PREX1: variants seen among roughly 807,000 people sequenced by gnomAD.
PREX1 encodes phosphatidylinositol 3,4,5-trisphosphate-dependent Rac exchanger 1 protein.
PREX1 carries 41 observed loss-of-function variants against 198.3 expected under a neutral mutation model. The ratio of observed to expected loss-of-function variants is 0.21; its 90% CI spans 0.16 to 0.27. The LOEUF is 0.27. Among genes scored for constraint, PREX1 ranks in the 10% least tolerant of loss-of-function variants. PREX1 has a pLI of 1.00. For synonymous variants in PREX1, 843 were observed against 887.2 expected, an observed-to-expected ratio of 0.95 and a Z score of 0.89; for missense variants, 1,620 against 2,200.7, an observed-to-expected ratio of 0.74 and a Z score of 5.28.
At chr20:48,714,919 A>G (rs965824957) in intron 5 of PREX1, among the ~76,000 whole-genome samples, 4 of 152,382 alleles carry the variant, frequency 2.6e-5, no homozygotes, top group African/African-American at 9.6e-5. Flanking sequence ...TCAGACAGGC[A>G]TAAAATGTGG....
At chr20:48,707,815 C>T (rs2089910279) in intron 6 of PREX1, among the ~76,000 whole-genome samples, 1 of 152,128 alleles carries the variant, frequency 6.6e-6, no homozygotes, top group Non-Finnish European at 1.5e-5. Context: ...GATGAGGATA[C>T]TGAAGTTCAG....
chr20:48,836,776 G>A, the PREX1 span, among the ~76,000 whole-genome samples: 1,321 of 151,896 alleles, frequency 8.7e-3, 13 homozygotes, highest in Non-Finnish European at 0.012. Flanking sequence ...TTAGTAGGTC[G>A]TGGTGGCACA....
chr20:48,714,030 C>G (rs975614786), intron 5 of PREX1, among the ~76,000 whole-genome samples: 1 of 152,132 alleles, frequency 6.6e-6, no homozygotes, highest in African/African-American at 2.4e-5. Flanking sequence ...AACTGAATAT[C>G]CATGTGCAAC....
chr20:48,879,702 A>G, the PREX1 span, among the ~76,000 whole-genome samples: 2 of 152,198 alleles, frequency 1.3e-5, no homozygotes, highest in Non-Finnish European at 2.9e-5. Flanking sequence ...TCCCCTCCAA[A>G]TCACCAATTA....
rs76308338 is a variant in PREX1, at chr20:48,651,465, C to T, written c.2586G>A (p.Thr862=). Residue 862 remains threonine (T), a synonymous_variant, in exon 22 of 40, where the codon ACG becomes ACA. Transcript: ENST00000371941. ...CCAGCACATGGCACCTGACGCCTGC[C>T]GTGCTCACATACTCATACACCACGC... ...EHGVVYEYVS[T]AGVRCHVLEK... 25 of 1,614,124 alleles carry T rather than the reference C, an allele frequency of 1.5e-5. No individual in the cohort carries two copies. The highest frequency in any genetic ancestry group is 3.3e-4 in the Middle Eastern group (2 of 6,060).
chr20:48,691,202 G>T lies in PREX1; in HGVS notation c.1037-106C>A. On this transcript the variant is annotated intron_variant, in intron 8 of 39. Transcript: ENST00000371941. The surrounding 1 kb of genome is among the most constrained non-coding windows in gnomAD (Gnocchi z 5.0). The stretch of plus-strand genomic sequence containing the variant: ...CCCAGCACAGGCAGGGCCCTCGCCT[G>T]GATCAGGATGGGGAGCTGGACTTCC... 7.1e-7 allele frequency: 1 copy of T among 1,406,058 alleles called. No individual in the cohort carries two copies. Among genetic ancestry groups the T allele is most frequent in the Non-Finnish European group, 9.9e-7 (1 of 1,007,638 alleles). 87.1% of individuals were successfully genotyped at this position (1,406,058 alleles called of 1,614,324 possible). A position where few individuals can be genotyped will look rare whatever the true frequency, so the allele number is the denominator to read the frequency against.
At chr20:48,833,762 C>T in the PREX1 span, among the ~76,000 whole-genome samples, 1 of 152,206 alleles carries the variant, frequency 6.6e-6, no homozygotes, top group South Asian at 2.1e-4. Flanking sequence ...TTCAAATAAG[C>T]ATTGACCTGA....
the PREX1 span, among the ~76,000 whole-genome samples, chr20:48,861,421 G>A: frequency 6.6e-6 from 1 of 152,172 alleles, no homozygotes; most frequent in African/African-American, 2.4e-5. Flanking sequence ...TAGAAGGTCC[G>A]GCCACCCGGG....
chr20:48,628,012 T>A, intron 37 of PREX1, 49 bp from the exon 38 acceptor site: 6 of 738,036 alleles, frequency 8.1e-6, no homozygotes, highest in Non-Finnish European at 1.4e-5. Context: ...GGGACAGGGG[T>A]CGGGGGAGGA....
intron 10 of PREX1, among the ~76,000 whole-genome samples, chr20:48,688,425 T>C (rs901192556): frequency 3.3e-5 from 5 of 152,154 alleles, no homozygotes; most frequent in African/African-American, 1.2e-4. Flanking sequence ...TGAATGGGTG[T>C]ACCAGGTCAC....
chr20:48,874,498 T>A, the PREX1 span, among the ~76,000 whole-genome samples: 1 of 151,126 alleles, frequency 6.6e-6, no homozygotes, highest in South Asian at 2.1e-4. Flanking sequence ...GGAGACATGA[T>A]GAAGAGGAGG....
chr20:48,752,494 C>T (rs560143675), intron 1 of PREX1, among the ~76,000 whole-genome samples: 2 of 152,304 alleles, frequency 1.3e-5, no homozygotes, highest in South Asian at 2.1e-4. Context: ...CTGAAGACCC[C>T]GCTCTCATGT....
chr20:48,746,065 G>A (rs1465881164), intron 2 of PREX1, among the ~76,000 whole-genome samples: 1 of 152,194 alleles, frequency 6.6e-6, no homozygotes, highest in Non-Finnish European at 1.5e-5. Context: ...CCAGGCTGGA[G>A]TGTGAAGTAC....
chr20:48,746,562 C>T (rs561443269), intron 2 of PREX1, among the ~76,000 whole-genome samples: 30 of 152,198 alleles, frequency 2.0e-4, no homozygotes, highest in East Asian at 5.8e-4. Context: ...CAAAACCAAT[C>T]CATGGTACTA....
chr20:48,689,355 C>T (rs777667451), intron 9 of PREX1, among the ~76,000 whole-genome samples: 4 of 151,966 alleles, frequency 2.6e-5, no homozygotes, highest in Non-Finnish European at 5.9e-5. Flanking sequence ...ATGAGAAACC[C>T]GCAATAATAA....
At chr20:48,655,608 T>C (rs916017003) in intron 18 of PREX1, among the ~76,000 whole-genome samples, 4 of 152,218 alleles carry the variant, frequency 2.6e-5, no homozygotes, top group Non-Finnish European at 5.9e-5. Flanking sequence ...GGCCTGCCCT[T>C]GGAGCTTCTG....
intron 6 of PREX1, among the ~76,000 whole-genome samples, chr20:48,704,070 G>A (rs867457218): frequency 1.1e-4 from 17 of 152,352 alleles, no homozygotes; most frequent in African/African-American, 4.1e-4. Context: ...GCCACGCACT[G>A]TTCTAAATAT....
chr20:48,700,122 G>A (rs563059726), intron 7 of PREX1, among the ~76,000 whole-genome samples: 9 of 152,318 alleles, frequency 5.9e-5, no homozygotes, highest in South Asian at 4.1e-4. Flanking sequence ...TCTACAGAGC[G>A]CAAGAAGCAC....
chr20:48,792,356 G>A (rs1303066404), intron 1 of PREX1, among the ~76,000 whole-genome samples: 1 of 152,050 alleles, frequency 6.6e-6, no homozygotes, highest in Non-Finnish European at 1.5e-5. Flanking sequence ...TGTAATCCTA[G>A]CTACTCAGGA....
Sources: allele counts gnomAD v4.1 joint callset (sites outside exome capture counted in the v4.1 genomes callset), GRCh38; gene constraint gnomAD v4.1.1; non-coding constraint Gnocchi (gnomAD v3.1); transcripts MANE v1.5; gene names NCBI Gene and HGNC (gene_info 2026-07-23, HGNC 2026-07-21).